DNAH6: variants seen among roughly 807,000 people sequenced by gnomAD.
The protein encoded by DNAH6 is dynein axonemal heavy chain 6, also known as axonemal beta dynein heavy chain 6.
Under a neutral mutation model 491.4 loss-of-function variants are expected in DNAH6, and 340 were observed. The observed-to-expected ratio is 0.69, with a 90% CI of 0.63 to 0.76. The LOEUF (loss-of-function observed/expected upper bound fraction) is 0.76, where lower values mean the gene tolerates loss of function less well. Among genes scored for constraint, DNAH6 ranks in the 30% least tolerant of loss-of-function variants. The probability of loss-of-function intolerance (pLI) is 0.00; values close to 1 mark genes in which losing one functional copy is unlikely to be tolerated. For synonymous variants in DNAH6, 1,603 were observed against 1,686.1 expected, an observed-to-expected ratio of 0.95 and a Z score of 1.21; for missense variants, 4,443 against 4,972.2, an observed-to-expected ratio of 0.89 and a Z score of 3.20.
chr2:84,783,401 G>GA (rs1322271934), intron 65 of DNAH6, among the ~76,000 whole-genome samples: 1 of 152,184 alleles, frequency 6.6e-6, no homozygotes, highest in East Asian at 1.9e-4. Flanking sequence ...CAAAAGTATG[G>GA]AAAAAATCCT....
chr2:84,799,286 C>G (rs371511414), intron 70 of DNAH6, among the ~76,000 whole-genome samples: 1 of 152,240 alleles, frequency 6.6e-6, no homozygotes, highest in Non-Finnish European at 1.5e-5. Flanking sequence ...CTGCGCCCAG[C>G]CCACCCCTCT....
chr2:84,699,793 T>C, intron 48 of DNAH6, 59 bp downstream of exon 48: 2 of 1,512,528 alleles, frequency 1.3e-6, no homozygotes, highest in Non-Finnish European at 1.8e-6. Context: ...TTTAAAGGGG[T>C]AACACATTGT....
intron 51 of DNAH6, among the ~76,000 whole-genome samples, chr2:84,704,608 G>C (rs966075016): frequency 6.6e-6 from 1 of 152,196 alleles, no homozygotes; most frequent in Non-Finnish European, 1.5e-5. Flanking sequence ...CCTAAGCCCA[G>C]CTGGGATGTG....
chr2:84,682,815 C>A (rs1693915510), intron 42 of DNAH6, among the ~76,000 whole-genome samples: 1 of 152,198 alleles, frequency 6.6e-6, no homozygotes, highest in Non-Finnish European at 1.5e-5. Flanking sequence ...TTCTGATTAT[C>A]CGTTTACCCT....
chr2:84,598,788 T>C (rs1288694259), intron 18 of DNAH6, among the ~76,000 whole-genome samples: 1 of 152,114 alleles, frequency 6.6e-6, no homozygotes, highest in Non-Finnish European at 1.5e-5. Flanking sequence ...TCCCAGCACT[T>C]TGGGAGGCCG....
chr2:84,786,360 A>G (rs1677187025), intron 67 of DNAH6, among the ~76,000 whole-genome samples: 1 of 151,164 alleles, frequency 6.6e-6, no homozygotes. Context: ...TGGGAGGTCA[A>G]GGCTGAATGA....
intron 11 of DNAH6, among the ~76,000 whole-genome samples, chr2:84,571,000 C>T (rs1048319334): frequency 2.0e-5 from 3 of 152,120 alleles, no homozygotes; most frequent in African/African-American, 7.2e-5. Flanking sequence ...GAGTCCGGGG[C>T]TTCATTCTTG....
chr2:84,562,826 T>C (rs143849734), intron 11 of DNAH6, among the ~76,000 whole-genome samples: 366 of 152,294 alleles, frequency 2.4e-3, no homozygotes, highest in African/African-American at 8.3e-3. Context: ...AGGTTTTATT[T>C]GAGGACTGTC....
chr2:84,686,303 A>C (rs775553489), intron 43 of DNAH6, among the ~76,000 whole-genome samples, 181 bp from the exon 44 acceptor site: 1 of 152,222 alleles, frequency 6.6e-6, no homozygotes, highest in Non-Finnish European at 1.5e-5. Context: ...TTAATCTTAA[A>C]CTTGGGAGAT....
chr2:84,727,841 A>T lies in DNAH6; in HGVS notation c.10145A>T (p.Gln3382Leu). ...CTTTGTGTTGAGATGATGCGTCAGCAAGGAACCCTATCTGATGCTGAATGG... is the reference window on the plus strand; with the variant it reads ...CTTTGTGTTGAGATGATGCGTCAGCTAGGAACCCTATCTGATGCTGAATGG... ...FMLCVEMMRQ[Q>L]GTLSDAEWNF... The change falls in exon 61 of 77, where the codon CAA becomes CTA. Residue 3382 changes from glutamine to leucine, a missense_variant. Gln to Leu is a moderately radical substitution (Grantham distance 113). Transcript: ENST00000389394. 1 of 1,552,212 alleles carries T rather than the reference A, an allele frequency of 6.4e-7. No individual in the cohort carries two copies. Among genetic ancestry groups the T allele is most frequent in the Non-Finnish European group, 8.7e-7 (1 of 1,147,088 alleles).
intron 52 of DNAH6, 82 bp downstream of exon 52, chr2:84,705,829 G>A: frequency 7.0e-7 from 1 of 1,428,092 alleles, no homozygotes; most frequent in Non-Finnish European, 9.3e-7. Flanking sequence ...TAATGTTACT[G>A]TGGTCCTACG....
the DNAH6 span, among the ~76,000 whole-genome samples, chr2:84,504,897 GACAGTTGTAGTTTGGACAGGGA>G: frequency 6.6e-6 from 1 of 152,158 alleles, no homozygotes; most frequent in South Asian, 2.1e-4. Context: ...TTTTATAAAA[GACAGTTGTAGTTTGGACAGGGA>G]TTGTATTGAA....
At chr2:84,562,849 G>A (rs559672133) in intron 11 of DNAH6, among the ~76,000 whole-genome samples, 1 of 152,242 alleles carries the variant, frequency 6.6e-6, no homozygotes, top group South Asian at 2.1e-4. Context: ...CTTTTTGGCA[G>A]AATGATGTAT....
intron 35 of DNAH6, among the ~76,000 whole-genome samples, chr2:84,657,012 G>T (rs796971829): frequency 4.6e-5 from 7 of 152,094 alleles, no homozygotes; most frequent in African/African-American, 1.4e-4. Context: ...TTTAGGAAGG[G>T]TATAAGGTCT....
At chr2:84,641,539 A>G (rs1689398424) in intron 32 of DNAH6, among the ~76,000 whole-genome samples, 1 of 152,172 alleles carries the variant, frequency 6.6e-6, no homozygotes. Context: ...GAGAAGGAGG[A>G]TAGAGGACAG....
intron 19 of DNAH6, among the ~76,000 whole-genome samples, 151 bp downstream of exon 19, chr2:84,604,702 T>C (rs1321991677): frequency 6.6e-6 from 1 of 152,204 alleles, no homozygotes; most frequent in African/African-American, 2.4e-5. Flanking sequence ...ACAACAGATA[T>C]TACTGTTATC....
chr2:84,504,732 T>G, the DNAH6 span, among the ~76,000 whole-genome samples: 1 of 152,236 alleles, frequency 6.6e-6, no homozygotes, highest in Non-Finnish European at 1.5e-5. Flanking sequence ...TCTATTCTTA[T>G]TACATTACCA....
At chr2:84,793,325 G>A (rs1391011003) in intron 68 of DNAH6, among the ~76,000 whole-genome samples, 2 of 152,174 alleles carry the variant, frequency 1.3e-5, no homozygotes, top group African/African-American at 4.8e-5. Context: ...GAGTCAAAAT[G>A]ACAGATTTCC....
At chr2:84,571,189 C>A (rs932115097) in intron 11 of DNAH6, among the ~76,000 whole-genome samples, 1 of 152,028 alleles carries the variant, frequency 6.6e-6, no homozygotes, top group Non-Finnish European at 1.5e-5. Context: ...AGAATGCAAG[C>A]AAATAAATGT....
Sources: allele counts gnomAD v4.1 joint callset (sites outside exome capture counted in the v4.1 genomes callset), GRCh38; gene constraint gnomAD v4.1.1; transcripts MANE v1.5; gene names NCBI Gene and HGNC (gene_info 2026-07-23, HGNC 2026-07-21).